The following ZNF362 variants were observed in gnomAD, a reference collection of about 807,000 sequenced individuals.
ZNF362 encodes zinc finger protein 362.
Under a neutral mutation model 42.9 loss-of-function variants are expected in ZNF362, and 11 were observed. That is an observed-to-expected ratio of 0.26 (90% CI 0.16 to 0.42). The LOEUF is 0.42. ZNF362 is among the 20% of genes least tolerant of loss of function. The pLI is 1.00. For synonymous variants in ZNF362, 255 were observed against 257.3 expected (o/e 0.99, Z 0.09); for missense variants, 362 against 576.2 (o/e 0.63, Z 3.81).
At chr1:33,215,824 T>C in the ZNF362 span, among the ~76,000 whole-genome samples, 1 of 151,736 alleles carries the variant, frequency 6.6e-6, no homozygotes, top group Admixed American at 6.6e-5. Flanking sequence ...AATGTTTTCT[T>C]AATGTCACGA....
the ZNF362 span, chr1:33,181,561 C>G: frequency 7.1e-7 from 1 of 1,406,388 alleles, no homozygotes; most frequent in East Asian, 2.7e-5. The surrounding 1 kb of genome is among the most constrained non-coding windows in gnomAD (Gnocchi z 6.5). Flanking sequence ...TAGGAGCTAC[C>G]GGAGAAGGGA....
In ZNF362 at chr1:33,294,163, G is replaced by A. The variant is rs760066617; in HGVS notation, c.909-774G>A. On this transcript the variant is annotated intron_variant, in intron 6 of 8. Transcript: ENST00000539719. The surrounding 1 kb of genome is among the most constrained non-coding windows in gnomAD (Gnocchi z 4.2). ...GAATGAATAACGATAACTGGCAAACGTTGAGTGCTTACTTTGTACCAACAC... is the reference window on the plus strand; with the variant it reads ...GAATGAATAACGATAACTGGCAAACATTGAGTGCTTACTTTGTACCAACAC... 1.5e-4 allele frequency among the ~76,000 whole-genome samples: 23 copies of A among 152,248 alleles called. No homozygotes were observed. Among genetic ancestry groups the A allele is most frequent in the Non-Finnish European group, 2.4e-4 (16 of 68,048 alleles).
chr1:33,181,379 G>GT, the ZNF362 span: 1 of 1,601,664 alleles, frequency 6.2e-7, no homozygotes, highest in Admixed American at 1.7e-5. This position sits in a 1 kb window ranked among gnomAD's most constrained non-coding sequence, Gnocchi z 6.5. Context: ...CCGGGTCCTG[G>GT]TAGATGCTCA....
the ZNF362 span, among the ~76,000 whole-genome samples, chr1:33,210,002 G>T: frequency 2.6e-5 from 4 of 151,904 alleles, no homozygotes; most frequent in Middle Eastern, 3.2e-3. Flanking sequence ...TTCTCTAGTT[G>T]TTTTAATTGT....
the ZNF362 span, among the ~76,000 whole-genome samples, chr1:33,135,756 T>C: frequency 6.6e-6 from 1 of 152,246 alleles, no homozygotes; most frequent in Non-Finnish European, 1.5e-5. Flanking sequence ...CTTGTTCTCC[T>C]GAGTCCTCAA....
the ZNF362 span, among the ~76,000 whole-genome samples, chr1:33,168,394 T>C: frequency 6.6e-6 from 1 of 151,812 alleles, no homozygotes; most frequent in Non-Finnish European, 1.5e-5. Context: ...AAACTTTTTT[T>C]TTTAAATCCC....
At chr1:33,189,634 CATATATATATATAT>C in the ZNF362 span, among the ~76,000 whole-genome samples, 48 of 55,564 alleles carry the variant, frequency 8.6e-4, 4 homozygotes, top group African/African-American at 2.5e-3. Flanking sequence ...CACATTCCAG[CATATATATATATAT>C]ATATATATAT....
upstream of ZNF362, among the ~76,000 whole-genome samples, chr1:33,255,748 A>C (rs1570374608): frequency 6.7e-6 from 1 of 149,186 alleles, no homozygotes; most frequent in Non-Finnish European, 1.5e-5. Flanking sequence ...GCAAACTTCT[A>C]CTCCCCACCC....
chr1:33,265,494 G>C (rs748112959), intron 1 of ZNF362, among the ~76,000 whole-genome samples: 6 of 152,082 alleles, frequency 3.9e-5, no homozygotes, highest in Non-Finnish European at 7.4e-5. Context: ...GACCCTGGGA[G>C]CCTCTTTCCT....
the ZNF362 span, chr1:33,165,469 A>T: frequency 6.3e-7 from 1 of 1,596,730 alleles, no homozygotes; most frequent in Non-Finnish European, 8.5e-7. The surrounding 1 kb of genome is among the most constrained non-coding windows in gnomAD (Gnocchi z 4.0). Flanking sequence ...GGCCAGGCTC[A>T]CCTTGGTCTC....
chr1:33,257,422 CTTTCTTTT>C (rs1645801145), intron 1 of ZNF362, among the ~76,000 whole-genome samples: 1 of 147,230 alleles, frequency 6.8e-6, no homozygotes, highest in South Asian at 2.1e-4. Flanking sequence ...TTCTTTCTTT[CTTTCTTTT>C]TTTTTTTTTT....
chr1:33,276,177 C>T lies in ZNF362; in HGVS notation c.102+14C>T, dbSNP rs748910433. ...ATGCCCAGCCAGGTAAGACTGACGT[C>T]GCCCCTCCGGCTGCCCTACCCTCCT... On this transcript the variant is annotated intron_variant, in intron 3 of 8. Transcript: ENST00000539719. 2.3e-5 allele frequency: 37 copies of T among 1,612,798 alleles called. No individual in the cohort carries two copies. Among genetic ancestry groups the T allele is most frequent in the South Asian group, 2.0e-4 (18 of 91,060 alleles).
At chr1:33,179,282 A>T in the ZNF362 span, among the ~76,000 whole-genome samples, 1 of 152,224 alleles carries the variant, frequency 6.6e-6, no homozygotes, top group Non-Finnish European at 1.5e-5. Flanking sequence ...TGGGGCCTTC[A>T]TCCTCAGACA....
chr1:33,170,298 T>C, the ZNF362 span, among the ~76,000 whole-genome samples: 1 of 145,200 alleles, frequency 6.9e-6, no homozygotes, highest in Non-Finnish European at 1.5e-5. Context: ...CACTCCAGCC[T>C]GGGTGACACA....
At chr1:33,244,842 TTAA>T in the ZNF362 span, among the ~76,000 whole-genome samples, 2 of 152,158 alleles carry the variant, frequency 1.3e-5, no homozygotes, top group Non-Finnish European at 2.9e-5. This position sits in a 1 kb window ranked among gnomAD's most constrained non-coding sequence, Gnocchi z 4.0. Flanking sequence ...GGAACAGCTA[TTAA>T]TATTGTGTTG....
the ZNF362 span, among the ~76,000 whole-genome samples, chr1:33,198,696 C>A: frequency 6.6e-6 from 1 of 150,612 alleles, no homozygotes; most frequent in Non-Finnish European, 1.5e-5. Flanking sequence ...AGTCAATCGT[C>A]AATCAATCAA....
the ZNF362 span, among the ~76,000 whole-genome samples, chr1:33,183,055 C>T: frequency 1.3e-5 from 2 of 152,276 alleles, no homozygotes. Context: ...ACCGCATCAA[C>T]GCCCTGGGTT....
At chr1:33,159,907 G>T in the ZNF362 span, 1 of 1,608,768 alleles carries the variant, frequency 6.2e-7, no homozygotes, top group East Asian at 2.2e-5. This position sits in a 1 kb window ranked among gnomAD's most constrained non-coding sequence, Gnocchi z 4.2. Context: ...CCGCTCGAAG[G>T]CCTCGCCGAT....
chr1:33,161,211 C>G, the ZNF362 span, among the ~76,000 whole-genome samples: 1 of 152,196 alleles, frequency 6.6e-6, no homozygotes, highest in Non-Finnish European at 1.5e-5. The surrounding 1 kb of genome is among the most constrained non-coding windows in gnomAD (Gnocchi z 4.3). Flanking sequence ...AAGCGTTTCC[C>G]GGAAGTCTTC....
Sources: allele counts gnomAD v4.1 joint callset (sites outside exome capture counted in the v4.1 genomes callset), GRCh38; gene constraint gnomAD v4.1.1; non-coding constraint Gnocchi (gnomAD v3.1); transcripts MANE v1.5; gene names NCBI Gene and HGNC (gene_info 2026-07-23, HGNC 2026-07-21).